The following KSR2 variants were observed in gnomAD, a reference collection of about 807,000 sequenced individuals.
KSR2 encodes the protein kinase suppressor of ras 2.
Under a neutral mutation model 107.8 loss-of-function variants are expected in KSR2, and 25 were observed. The observed-to-expected ratio is 0.23, with a 90% CI of 0.17 to 0.32. The LOEUF (loss-of-function observed/expected upper bound fraction) is 0.32, where lower values mean the gene tolerates loss of function less well. KSR2 is among the 10% of genes least tolerant of loss of function. The probability of loss-of-function intolerance (pLI) is 1.00; values close to 1 mark genes in which losing one functional copy is unlikely to be tolerated. For missense variants in KSR2, 887 were observed against 1,268.9 expected (o/e 0.70, Z 4.57); for synonymous variants, 480 against 507.0 (o/e 0.95, Z 0.71).
rs191655215 is a variant in KSR2, at chr12:117,476,524, G to A, written c.2522C>T (p.Ser841Phe). The A allele has an allele frequency of 6.2e-7, 1 of 1,609,778 alleles. No homozygotes were observed. The highest frequency in any genetic ancestry group is 2.2e-5 in the East Asian group (1 of 44,746). ...GAGCTTATCCTCCTCTGTGTCGGGG[G>A]ACAGCTGGCGGATGATCTCTGGTGC... The part of the protein sequence containing the change: ...HLAPEIIRQL[S>F]PDTEEDKLPF... The change falls in exon 17 of 20, where the codon TCC (serine) becomes TTC (phenylalanine). Residue 841 changes from serine to phenylalanine, a missense_variant. By Grantham distance (155) the Ser-to-Phe change is radical. Coordinates refer to ENST00000339824, the MANE Select transcript of KSR2 (RefSeq NM_173598.6).
intron 4 of KSR2, 61 bp downstream of exon 4, chr12:117,760,950 A>G: frequency 6.2e-7 from 1 of 1,602,360 alleles, no homozygotes; most frequent in Non-Finnish European, 8.5e-7. Context: ...CCTGGGACCA[A>G]GGGGCAGCCC....
rs111746507 is a variant in KSR2 at position 117,782,529 on chromosome 12, T to C, written c.473-21005A>G. Among the ~76,000 whole-genome samples, 663 of 152,324 alleles carry C rather than the reference T, an allele frequency of 4.4e-3. 8 individuals are homozygous for C. Among genetic ancestry groups the C allele is most frequent in the African/African-American group, 0.016 (645 of 41,570 alleles). ...ATCCATCCACCTTGGCCTCCCAAAG[T>C]GTTGGGATTACAAGCGTGAGCCACT... On this transcript the variant is annotated intron_variant, in intron 3 of 19. Coordinates refer to ENST00000339824, the MANE Select transcript of KSR2 (RefSeq NM_173598.6).
intron 1 of KSR2, among the ~76,000 whole-genome samples, chr12:117,917,311 C>T (rs1045811440): frequency 1.3e-5 from 2 of 152,292 alleles, no homozygotes; most frequent in African/African-American, 4.8e-5. Flanking sequence ...AATGCTGAGG[C>T]AGGAGGATCC....
Position 117,838,800 on chromosome 12 carries a change from T to C in KSR2, c.472+16628A>G, listed in dbSNP as rs80351825. Among the ~76,000 whole-genome samples, 678 of 152,358 alleles carry C rather than the reference T, an allele frequency of 4.5e-3. 4 individuals are homozygous for C. Among genetic ancestry groups the C allele is most frequent in the African/African-American group, 0.015 (637 of 41,576 alleles). On this transcript the variant is annotated intron_variant, in intron 3 of 19. Transcript: ENST00000339824. Reference sequence around the variant, plus strand: ...CCCCTGACTTAGACATGTATGTATTTGTTTTAATTGACACTCACTATTTCT... The same window carrying C: ...CCCCTGACTTAGACATGTATGTATTCGTTTTAATTGACACTCACTATTTCT...
In KSR2 at chr12:117,455,776, G is replaced by A. The variant is rs916477134; in HGVS notation, c.*11423C>T. On this transcript the variant is annotated 3_prime_UTR_variant, in exon 20 of 20. Transcript: ENST00000339824. ...AAGCAAAATTTTCTTAGAATCCTTC[G>A]GCTGCTCAACTGTAGGCATTTGAAA... The A allele has an allele frequency of 1.3e-5, 2 of 152,160 alleles. No individual in the cohort carries two copies. The highest frequency in any genetic ancestry group is 2.4e-5 in the African/African-American group (1 of 41,416). 9.4% of individuals were successfully genotyped at this position (152,160 alleles called of 1,614,324 possible). A position where few individuals can be genotyped will look rare whatever the true frequency, so the allele number is the denominator to read the frequency against.
chr12:117,573,838 A>G (rs1879068685), intron 7 of KSR2, among the ~76,000 whole-genome samples: 1 of 152,078 alleles, frequency 6.6e-6, no homozygotes, highest in Non-Finnish European at 1.5e-5. Flanking sequence ...TCCTAATCAC[A>G]CGTTATCATT....
chr12:117,729,085 A>G (rs1472412391), intron 4 of KSR2, among the ~76,000 whole-genome samples: 1 of 152,098 alleles, frequency 6.6e-6, no homozygotes, highest in East Asian at 1.9e-4. Context: ...AGCGCTGTGC[A>G]TGAAGGTGTT....
intron 5 of KSR2, among the ~76,000 whole-genome samples, chr12:117,608,010 T>C (rs568282562): frequency 1.3e-5 from 2 of 152,166 alleles, no homozygotes; most frequent in Non-Finnish European, 2.9e-5. Flanking sequence ...TCAACTCAGC[T>C]CTGTAAGACA....
intron 14 of KSR2, among the ~76,000 whole-genome samples, chr12:117,516,142 C>G (rs756055144): frequency 3.9e-5 from 6 of 152,284 alleles, no homozygotes; most frequent in Middle Eastern, 3.4e-3. Context: ...GCTTCATCCT[C>G]AGGCAACCCT....
intron 16 of KSR2, among the ~76,000 whole-genome samples, chr12:117,481,319 G>A (rs985400357): frequency 2.0e-5 from 3 of 152,102 alleles, no homozygotes; most frequent in Non-Finnish European, 4.4e-5. Flanking sequence ...CAATTTGATT[G>A]TATTTAGTGA....
intron 4 of KSR2, among the ~76,000 whole-genome samples, chr12:117,697,865 C>T (rs1886136856): frequency 6.6e-6 from 1 of 151,790 alleles, no homozygotes; most frequent in Non-Finnish European, 1.5e-5. Context: ...GAAATAGGGT[C>T]ATTGCAGCTG....
intron 1 of KSR2, among the ~76,000 whole-genome samples, chr12:117,962,371 A>T (rs921869669): frequency 6.6e-6 from 1 of 151,678 alleles, no homozygotes; most frequent in African/African-American, 2.4e-5. Context: ...TCTATCCTAC[A>T]GCCTAGGGAT....
At chr12:117,951,872 G>T (rs1566097013) in intron 1 of KSR2, among the ~76,000 whole-genome samples, 1 of 152,096 alleles carries the variant, frequency 6.6e-6, no homozygotes, top group South Asian at 2.1e-4. Flanking sequence ...CAGATCAAAA[G>T]GCTGCCTTGT....
At chr12:117,748,898 G>A (rs1319693374) in intron 4 of KSR2, among the ~76,000 whole-genome samples, 1 of 151,916 alleles carries the variant, frequency 6.6e-6, no homozygotes, top group Non-Finnish European at 1.5e-5. Flanking sequence ...AGAAAACATA[G>A]CCCATAAAGG....
At chr12:117,544,941 C>T (rs1342657002) in intron 9 of KSR2, among the ~76,000 whole-genome samples, 2 of 152,142 alleles carry the variant, frequency 1.3e-5, no homozygotes, top group Non-Finnish European at 2.9e-5. Flanking sequence ...TTTTTCATCA[C>T]TAAGTATAAT....
intron 1 of KSR2, among the ~76,000 whole-genome samples, chr12:117,894,677 C>G (rs1341368261): frequency 6.7e-6 from 1 of 150,132 alleles, no homozygotes; most frequent in Non-Finnish European, 1.5e-5. Context: ...TTTGAAAGTG[C>G]GTAGCACTTC....
chr12:117,822,875 C>A (rs1208784933), intron 3 of KSR2, among the ~76,000 whole-genome samples: 1 of 152,046 alleles, frequency 6.6e-6, no homozygotes, highest in Non-Finnish European at 1.5e-5. Context: ...CAGTCAGGGA[C>A]CGTCTGTGTG....
intron 4 of KSR2, among the ~76,000 whole-genome samples, chr12:117,702,604 C>T (rs148791350): frequency 1.4e-4 from 22 of 152,282 alleles, no homozygotes; most frequent in African/African-American, 4.8e-4. Context: ...AACTTCAGTG[C>T]CTATGGATGG....
chr12:117,664,642 C>G (rs1884579851), intron 5 of KSR2, among the ~76,000 whole-genome samples: 1 of 152,104 alleles, frequency 6.6e-6, no homozygotes, highest in Non-Finnish European at 1.5e-5. Flanking sequence ...GTGGCTAGAC[C>G]TCAGAGTCAC....
Sources: gnomAD v4.1 joint callset for allele counts (sites outside exome capture counted in the v4.1 genomes callset) on GRCh38, gnomAD v4.1.1 for gene constraint, MANE v1.5 for transcripts, NCBI Gene and HGNC (gene_info 2026-07-23, HGNC 2026-07-21) for gene names.